Variants in PBLD observed in about 807,000 individuals in gnomAD.
PBLD encodes the protein phenazine biosynthesis-like domain-containing protein.
In PBLD, 26 loss-of-function variants were observed where a neutral mutation model predicts 31.3. The observed-to-expected ratio is 0.83, with a 90% CI of 0.61 to 1.15. The LOEUF is 1.15. Among genes scored for constraint, PBLD ranks in the 50% most tolerant of loss-of-function variants. The probability of loss-of-function intolerance (pLI) is 0.00; values close to 1 mark genes in which losing one functional copy is unlikely to be tolerated. For missense variants in PBLD, 307 were observed against 351.7 expected, an observed-to-expected ratio of 0.87 and a Z score of 1.02; for synonymous variants, 114 against 129.0, an observed-to-expected ratio of 0.88 and a Z score of 0.79.
chr10:68,321,876 A>G (rs899106939), intron 1 of PBLD, among the ~76,000 whole-genome samples: 2 of 152,228 alleles, frequency 1.3e-5, no homozygotes, highest in Non-Finnish European at 2.9e-5. Flanking sequence ...AAGACTACAT[A>G]AATAAATGGA....
At chr10:68,299,628 G>T (rs761649431) in intron 2 of PBLD, among the ~76,000 whole-genome samples, 3 of 152,000 alleles carry the variant, frequency 2.0e-5, no homozygotes, top group Non-Finnish European at 4.4e-5. Flanking sequence ...GGGCGAGGCG[G>T]GTAGATCACC....
At chr10:68,297,592 T>C (rs1255519817) in intron 2 of PBLD, among the ~76,000 whole-genome samples, 1 of 152,186 alleles carries the variant, frequency 6.6e-6, no homozygotes, top group African/African-American at 2.4e-5. Flanking sequence ...GACTGTGCTG[T>C]CTTGCTTTGC....
At chr10:68,311,308 C>A (rs983716325) in intron 1 of PBLD, among the ~76,000 whole-genome samples, 3 of 151,856 alleles carry the variant, frequency 2.0e-5, no homozygotes, top group Non-Finnish European at 4.4e-5. Flanking sequence ...GCTGGGCGGC[C>A]AGGCATGGTG....
At chr10:68,295,213 C>T (rs1402938763) in intron 4 of PBLD, among the ~76,000 whole-genome samples, 2 of 152,130 alleles carry the variant, frequency 1.3e-5, no homozygotes, top group East Asian at 3.9e-4. Flanking sequence ...CTCTTATTGG[C>T]CGGGCGTGGT....
intron 1 of PBLD, among the ~76,000 whole-genome samples, chr10:68,330,182 G>GT (rs2045000208): frequency 6.6e-6 from 1 of 152,028 alleles, no homozygotes; most frequent in Admixed American, 6.5e-5. Flanking sequence ...GCCATTGGGG[G>GT]TATGTGAGCA....
intron 6 of PBLD, among the ~76,000 whole-genome samples, chr10:68,289,560 A>G (rs1418558171): frequency 2.6e-5 from 4 of 152,002 alleles, no homozygotes; most frequent in Admixed American, 6.6e-5. Context: ...GAAAAAAAAC[A>G]TAGGCATTCT....
At chr10:68,309,687 A>AC (rs1564733746) in intron 1 of PBLD, among the ~76,000 whole-genome samples, 1 of 148,908 alleles carries the variant, frequency 6.7e-6, no homozygotes, top group Non-Finnish European at 1.5e-5. Flanking sequence ...ACATGCCTGT[A>AC]ATCCCAGCTA....
Position 68,284,290 on chromosome 10 carries a change from C to G in PBLD, c.755-1G>C. On this transcript the variant is annotated splice_acceptor_variant, in intron 9 of 9. Transcript: ENST00000358769. LOFTEE classifies it high-confidence loss of function. ...CCTCCTCGGTGGGAACACTGAAAAG[C>G]TAAAGAAAACAAACAGGTCAAATTA... 2 of 1,609,846 alleles carry G rather than the reference C, an allele frequency of 1.2e-6. No homozygotes were observed. Among genetic ancestry groups the G allele is most frequent in the Non-Finnish European group, 1.7e-6 (2 of 1,176,392 alleles).
intron 1 of PBLD, among the ~76,000 whole-genome samples, chr10:68,322,812 G>A (rs1346818495): frequency 6.6e-6 from 1 of 151,904 alleles, no homozygotes; most frequent in Non-Finnish European, 1.5e-5. Flanking sequence ...GAGTGCAGCG[G>A]TACAATCATA....
intron 1 of PBLD, among the ~76,000 whole-genome samples, chr10:68,311,660 G>T (rs1473014630): frequency 6.6e-6 from 1 of 150,916 alleles, no homozygotes; most frequent in East Asian, 1.9e-4. Context: ...GCTGAGGCAG[G>T]AGGAGCGCTT....
chr10:68,312,173 TC>T (rs2044678134), intron 1 of PBLD, among the ~76,000 whole-genome samples: 1 of 152,254 alleles, frequency 6.6e-6, no homozygotes. Context: ...CGCAGATATT[TC>T]TTCAACGTAC....
chr10:68,314,545 GTCATTTGAC>G (rs1341033830), intron 1 of PBLD, among the ~76,000 whole-genome samples: 4 of 152,060 alleles, frequency 2.6e-5, no homozygotes, highest in Non-Finnish European at 5.9e-5. Context: ...ATAGAGAATT[GTCATTTGAC>G]TTGTCTGGTA....
intron 6 of PBLD, among the ~76,000 whole-genome samples, chr10:68,289,827 T>C (rs1425927446): frequency 6.6e-6 from 1 of 152,090 alleles, no homozygotes; most frequent in Non-Finnish European, 1.5e-5. Flanking sequence ...ATGTGGAGTA[T>C]CTGCAGCAGC....
intron 4 of PBLD, among the ~76,000 whole-genome samples, chr10:68,293,972 T>C (rs962082193): frequency 1.1e-4 from 17 of 151,584 alleles, no homozygotes; most frequent in African/African-American, 4.1e-4. Flanking sequence ...CAAAACTCCA[T>C]CTCAAAAAAA....
intron 2 of PBLD, among the ~76,000 whole-genome samples, chr10:68,297,954 T>A (rs1323271122): frequency 5.1e-5 from 3 of 58,360 alleles, no homozygotes; most frequent in Non-Finnish European, 1.4e-4. Flanking sequence ...AAAAAAAGAT[T>A]TAAATAAAAA....
intron 1 of PBLD, among the ~76,000 whole-genome samples, chr10:68,322,831 C>A (rs1215424324): frequency 6.6e-6 from 1 of 151,938 alleles, no homozygotes; most frequent in Non-Finnish European, 1.5e-5. Context: ...TAGCTCACTG[C>A]AACCTTGAGA....
At chr10:68,298,855 C>T (rs1020793886) in intron 2 of PBLD, among the ~76,000 whole-genome samples, 1 of 151,710 alleles carries the variant, frequency 6.6e-6, no homozygotes, top group Admixed American at 6.6e-5. Flanking sequence ...ACCTGTAATC[C>T]CAGCACCTTA....
intron 2 of PBLD, among the ~76,000 whole-genome samples, chr10:68,304,113 C>T (rs1437498051): frequency 1.3e-5 from 2 of 152,182 alleles, no homozygotes; most frequent in African/African-American, 4.8e-5. Flanking sequence ...TTGTCTCTGA[C>T]ATTTTCCTGT....
At chr10:68,321,797 A>C (rs1013538522) in intron 1 of PBLD, among the ~76,000 whole-genome samples, 1 of 152,240 alleles carries the variant, frequency 6.6e-6, no homozygotes, top group African/African-American at 2.4e-5. Context: ...GTAACAAAAG[A>C]AGCAACACGG....
Sources: allele counts gnomAD v4.1 joint callset (sites outside exome capture counted in the v4.1 genomes callset), GRCh38; gene constraint gnomAD v4.1.1; transcripts MANE v1.5; gene names NCBI Gene and HGNC (gene_info 2026-07-23, HGNC 2026-07-21).